Variants in KCNMB4 observed in about 807,000 individuals in gnomAD.
KCNMB4 encodes the protein potassium calcium-activated channel subfamily M regulatory beta subunit 4, also known as calcium-activated potassium channel subunit beta-4.
In KCNMB4, 3 loss-of-function variants were observed where a neutral mutation model predicts 20.7. The observed-to-expected ratio is 0.14, with a 90% CI of 0.07 to 0.37. The LOEUF is 0.37. Among genes scored for constraint, KCNMB4 ranks in the 10% least tolerant of loss-of-function variants. KCNMB4 has a pLI of 1.00. For synonymous variants in KCNMB4, 110 were observed against 113.4 expected (o/e 0.97, Z 0.19); for missense variants, 168 against 265.9 (o/e 0.63, Z 2.56).
intron 1 of KCNMB4, among the ~76,000 whole-genome samples, chr12:70,371,770 C>T (rs1363200432): frequency 6.6e-6 from 1 of 152,144 alleles, no homozygotes; most frequent in Non-Finnish European, 1.5e-5. Context: ...AAACACGTAT[C>T]CTGAGCTATG....
chr12:70,402,564 G>A (rs1355685123), intron 2 of KCNMB4, among the ~76,000 whole-genome samples: 2 of 148,640 alleles, frequency 1.3e-5, no homozygotes, highest in Non-Finnish European at 3.0e-5. Context: ...GGATCGCTTG[G>A]GTCCTACTAA....
At chr12:70,391,553 G>C (rs566003296) in intron 1 of KCNMB4, among the ~76,000 whole-genome samples, 1 of 152,276 alleles carries the variant, frequency 6.6e-6, no homozygotes, top group East Asian at 1.9e-4. Flanking sequence ...CAGTCCCCCT[G>C]CCTTGGCCTC....
At chr12:70,389,427 C>T (rs1257428022) in intron 1 of KCNMB4, among the ~76,000 whole-genome samples, 2 of 152,136 alleles carry the variant, frequency 1.3e-5, no homozygotes, top group Admixed American at 1.3e-4. Flanking sequence ...GGCATGGTGG[C>T]TCACGCCTGG....
chr12:70,369,654 A>G (rs187321705), intron 1 of KCNMB4, among the ~76,000 whole-genome samples: 155 of 152,348 alleles, frequency 1.0e-3, no homozygotes, highest in Non-Finnish European at 1.9e-3. Context: ...CATTAATTAC[A>G]GTAAGAGGCA....
In KCNMB4 at chr12:70,400,247, G is replaced by A. The variant is rs1350784416; in HGVS notation, c.375G>A (p.Lys125=). Residue 125 remains lysine (K), a synonymous_variant, in exon 2 of 3, where the codon AAG becomes AAA. Coordinates refer to ENST00000258111, the MANE Select transcript of KCNMB4 (RefSeq NM_014505.6). ...CTCCCTGTAAGAGAGAAAATCAGAA[G>A]AATTTGGAAAGTGTCATGAATTGGC... ...YIPPCKRENQ[K]NLESVMNWQQ... is the part of the protein sequence containing the mutation. The A allele has an allele frequency of 6.2e-7, 1 of 1,612,216 alleles. No individual in the cohort carries two copies. Among genetic ancestry groups the A allele is most frequent in the African/African-American group, 1.3e-5 (1 of 74,872 alleles).
chr12:70,425,957 A>G (rs907951698), intron 2 of KCNMB4, among the ~76,000 whole-genome samples: 1 of 151,988 alleles, frequency 6.6e-6, no homozygotes, highest in Non-Finnish European at 1.5e-5. Context: ...TGGGCAACAT[A>G]GTAAAACCCC....
chr12:70,405,260 A>C (rs1344982858), intron 2 of KCNMB4, among the ~76,000 whole-genome samples: 1 of 152,202 alleles, frequency 6.6e-6, no homozygotes, highest in Non-Finnish European at 1.5e-5. Context: ...TAATCCCCTG[A>C]ATACATAAGG....
intron 1 of KCNMB4, among the ~76,000 whole-genome samples, chr12:70,377,107 A>C: frequency 6.6e-6 from 1 of 152,204 alleles, no homozygotes; most frequent in East Asian, 1.9e-4. Context: ...CAGATTCATT[A>C]CAGTCTCTAG....
At chr12:70,393,974 C>G (rs7132442) in intron 1 of KCNMB4, among the ~76,000 whole-genome samples, 1 of 152,090 alleles carries the variant, frequency 6.6e-6, no homozygotes, top group Admixed American at 6.6e-5. Flanking sequence ...AGACACAAAT[C>G]AAGTCATCTC....
rs538327876 is a variant in KCNMB4, at chr12:70,370,377, G to A, written c.336+3307G>A. Reference sequence around the variant, plus strand: ...GGCTGGAGTGCATTGGCATGATCTCGGCTCACTGCAAGCTCCGCCTCCCTG... The same window carrying A: ...GGCTGGAGTGCATTGGCATGATCTCAGCTCACTGCAAGCTCCGCCTCCCTG... On this transcript the variant is annotated intron_variant, in intron 1 of 2. Transcript: ENST00000258111. Among the ~76,000 whole-genome samples, 16 of 149,656 alleles carry A rather than the reference G, an allele frequency of 1.1e-4. No individual in the cohort carries two copies. The East Asian group carries it at 2.0e-3, about 19-fold the overall frequency.
chr12:70,403,557 C>G (rs1222883758), intron 2 of KCNMB4, among the ~76,000 whole-genome samples: 1 of 152,176 alleles, frequency 6.6e-6, no homozygotes, highest in Non-Finnish European at 1.5e-5. Flanking sequence ...TGGTCTTGAA[C>G]TCCTGACCTC....
chr12:70,418,624 TCC>T lies in KCNMB4; in HGVS notation c.465-11860_465-11859del, dbSNP rs796180886. On this transcript the variant is annotated intron_variant, in intron 2 of 2. Transcript: ENST00000258111. ...CTAACTTTGCTCCGTGATTAATCCT[TCC>T]AGAGTTTGTTGCCATCTTGATTTTA... is the stretch of plus-strand genomic sequence containing the variant. Among the ~76,000 whole-genome samples, 82 of 152,330 alleles carry T rather than the reference TCC, an allele frequency of 5.4e-4. 1 individual carries two copies. The highest frequency in any genetic ancestry group is 1.9e-3 in the African/African-American group (77 of 41,578).
intron 2 of KCNMB4, among the ~76,000 whole-genome samples, chr12:70,429,500 A>G (rs532540985): frequency 1.3e-5 from 2 of 152,174 alleles, no homozygotes; most frequent in South Asian, 4.2e-4. Flanking sequence ...CCCCGTCTCT[A>G]CTAAAAATAC....
At chr12:70,397,370 C>A (rs1423529467) in intron 1 of KCNMB4, among the ~76,000 whole-genome samples, 1 of 152,108 alleles carries the variant, frequency 6.6e-6, no homozygotes, top group African/African-American at 2.4e-5. Flanking sequence ...TCTTTCCAGG[C>A]AATGTTAGTT....
chr12:70,417,526 CAG>C lies in KCNMB4; in HGVS notation c.465-12957_465-12956del. 1.3e-5 allele frequency among the ~76,000 whole-genome samples: 2 copies of C among 152,266 alleles called. 1 individual carries two copies. Among genetic ancestry groups the C allele is most frequent in the South Asian group, 4.1e-4 (2 of 4,822 alleles). On this transcript the variant is annotated intron_variant, in intron 2 of 2. Coordinates refer to ENST00000258111, the MANE Select transcript of KCNMB4 (RefSeq NM_014505.6). ...GAAGCAGGAAGAAGAACAGTAATGA[CAG>C]AATGAGTAGTAAATATGATCATTCA... is the stretch of plus-strand genomic sequence containing the variant.
At chr12:70,389,182 T>C (rs1324866295) in intron 1 of KCNMB4, among the ~76,000 whole-genome samples, 2 of 152,192 alleles carry the variant, frequency 1.3e-5, no homozygotes, top group African/African-American at 4.8e-5. Context: ...CAACTTACTT[T>C]AACTATGTAA....
chr12:70,416,684 A>G (rs866830627), intron 2 of KCNMB4, among the ~76,000 whole-genome samples: 1 of 152,346 alleles, frequency 6.6e-6, no homozygotes, highest in South Asian at 2.1e-4. Flanking sequence ...AAGATGTTTA[A>G]TGCATTTTAA....
chr12:70,411,567 C>T (rs1269317220), intron 2 of KCNMB4, among the ~76,000 whole-genome samples: 2 of 152,160 alleles, frequency 1.3e-5, no homozygotes, highest in Non-Finnish European at 2.9e-5. Context: ...GATCTTCCTG[C>T]CGCCACAGAA....
intron 2 of KCNMB4, 98 bp from the exon 3 acceptor site, chr12:70,430,378 CTTTCAATAA>C (rs1228287317): frequency 8.4e-7 from 1 of 1,187,250 alleles, no homozygotes; most frequent in East Asian, 2.4e-5. Context: ...GCAGCCTTTA[CTTTCAATAA>C]TGGTTATGGA....
Sources: allele counts gnomAD v4.1 joint callset (sites outside exome capture counted in the v4.1 genomes callset), GRCh38; gene constraint gnomAD v4.1.1; transcripts MANE v1.5; gene names NCBI Gene and HGNC (gene_info 2026-07-23, HGNC 2026-07-21).